Variants in BCAS3 observed in about 807,000 individuals in gnomAD.
The protein encoded by BCAS3 is BCAS4/BCAS3 fusion.
In BCAS3, 53 loss-of-function variants were observed where a neutral mutation model predicts 116.1. That is an observed-to-expected ratio of 0.46 (90% CI 0.37 to 0.57). BCAS3 has a LOEUF of 0.57. Among genes scored for constraint, BCAS3 ranks in the 20% least tolerant of loss-of-function variants. BCAS3 has a pLI of 0.00. For synonymous variants in BCAS3, 391 were observed against 408.2 expected (o/e 0.96, Z 0.51); for missense variants, 917 against 1,165.4 (o/e 0.79, Z 3.10).
Position 61,127,953 on chromosome 17 carries a change from G to A in BCAS3, c.2425+43389G>A, listed in dbSNP as rs1448891539. On this transcript the variant is annotated intron_variant, in intron 22 of 23. Coordinates refer to ENST00000407086, the MANE Select transcript of BCAS3 (RefSeq NM_017679.5). ...GAAATTAACATTCTGCCAAGCAGGA[G>A]TCATTCTGTTGGATGCCTTCCTCTG... is the stretch of plus-strand genomic sequence containing the variant. Among the ~76,000 whole-genome samples, 4 of 152,132 alleles carry A rather than the reference G, an allele frequency of 2.6e-5. No individual in the cohort carries two copies. The East Asian group carries it at 5.8e-4, about 22-fold the overall frequency.
At chr17:60,737,653 A>C (rs915604025) in intron 5 of BCAS3, among the ~76,000 whole-genome samples, 1 of 151,900 alleles carries the variant, frequency 6.6e-6, no homozygotes, top group African/African-American at 2.4e-5. Context: ...TCTTTGACCT[A>C]TGTGCTATTT....
At chr17:61,039,992 A>G (rs2067374142) in intron 18 of BCAS3, among the ~76,000 whole-genome samples, 1 of 152,232 alleles carries the variant, frequency 6.6e-6, no homozygotes, top group African/African-American at 2.4e-5. Context: ...ATCAGAGTCC[A>G]TCTCAAACGT....
At chr17:60,988,397 G>A (rs2063319597) in intron 14 of BCAS3, among the ~76,000 whole-genome samples, 1 of 126,842 alleles carries the variant, frequency 7.9e-6, no homozygotes, top group Non-Finnish European at 1.6e-5. Context: ...AGTAATAAAA[G>A]CATTGTGGAA....
chr17:61,214,132 C>G lies in BCAS3; in HGVS notation c.2425+129568C>G, dbSNP rs2081630639. ...CCTGTAATCCCAGCATTTTGGGAGA[C>G]CTCACAAGGATCACGTGAGGTCAGG... On this transcript the variant is annotated intron_variant, in intron 22 of 23. Coordinates refer to ENST00000407086, the MANE Select transcript of BCAS3 (RefSeq NM_017679.5). The surrounding 1 kb of genome is among the most constrained non-coding windows in gnomAD (Gnocchi z 4.4). 6.6e-6 allele frequency among the ~76,000 whole-genome samples: 1 copy of G among 152,008 alleles called. No individual in the cohort carries two copies. The highest frequency in any genetic ancestry group is 6.6e-5 in the Admixed American group (1 of 15,244).
At chr17:60,881,268 C>G (rs1023613789) in intron 9 of BCAS3, among the ~76,000 whole-genome samples, 2 of 152,184 alleles carry the variant, frequency 1.3e-5, no homozygotes, top group Non-Finnish European at 2.9e-5. Context: ...GCCACCGCAC[C>G]TGGCCTGGTC....
At chr17:61,117,897 A>G (rs2075570346) in intron 22 of BCAS3, among the ~76,000 whole-genome samples, 1 of 151,784 alleles carries the variant, frequency 6.6e-6, no homozygotes, top group South Asian at 2.1e-4. Flanking sequence ...CATTTCTTTC[A>G]TTTTCATTTT....
rs59756915 is a variant in BCAS3, at chr17:61,220,307, A to AC, written c.2425+135743_2425+135744insC. On this transcript the variant is annotated intron_variant, in intron 22 of 23. Transcript: ENST00000407086. This position sits in a 1 kb window ranked among gnomAD's most constrained non-coding sequence, Gnocchi z 4.5. ...AGACTCCATCTCAAAAAACAAACAAAAAACAAAAAAACTGAAGTTTTCTCA... is the reference window on the plus strand; with the variant it reads ...AGACTCCATCTCAAAAAACAAACAAACAAACAAAAAAACTGAAGTTTTCTCA... Among the ~76,000 whole-genome samples, 132 of 29,912 alleles carry AC rather than the reference A, an allele frequency of 4.4e-3. 1 individual carries two copies. The highest frequency in any genetic ancestry group is 0.014 in the African/African-American group (123 of 8,554). The allele number at this position is 29,912 out of a possible 152,430, so 19.6% of individuals were successfully genotyped here.
intron 7 of BCAS3, among the ~76,000 whole-genome samples, chr17:60,831,032 C>T (rs556265778): frequency 3.8e-4 from 58 of 151,964 alleles, no homozygotes; most frequent in African/African-American, 1.3e-3. Context: ...CCACCAGACT[C>T]GGCTAGACGG....
intron 6 of BCAS3, among the ~76,000 whole-genome samples, chr17:60,782,719 G>T (rs2144497178): frequency 6.6e-6 from 1 of 151,816 alleles, no homozygotes; most frequent in South Asian, 2.1e-4. Context: ...CAGAGTAGCT[G>T]GGGCTACAGG....
At chr17:60,750,407 T>C (rs558544721) in intron 6 of BCAS3, among the ~76,000 whole-genome samples, 1 of 152,316 alleles carries the variant, frequency 6.6e-6, no homozygotes, top group African/African-American at 2.4e-5. Context: ...TATTGAATGC[T>C]TTCCTGCTGA....
chr17:60,712,164 C>CAAAACA (rs149887243), intron 5 of BCAS3, among the ~76,000 whole-genome samples: 15 of 145,854 alleles, frequency 1.0e-4, no homozygotes, highest in African/African-American at 3.3e-4. Context: ...GACTCTGTCT[C>CAAAACA]AAAACAAAAA....
At position 61,309,500 on chromosome 17, in the gene BCAS3, G is replaced by A. The variant is rs1195095471; in HGVS notation, c.2426-58827G>A. Among the ~76,000 whole-genome samples the A allele has an allele frequency of 1.3e-5, 2 of 152,088 alleles. No individual in the cohort carries two copies. Among genetic ancestry groups the A allele is most frequent in the African/African-American group, 2.4e-5 (1 of 41,404 alleles). On this transcript the variant is annotated intron_variant, in intron 22 of 23. Coordinates refer to ENST00000407086, the MANE Select transcript of BCAS3 (RefSeq NM_017679.5). The surrounding 1 kb of genome is among the most constrained non-coding windows in gnomAD (Gnocchi z 4.6). Reference sequence around the variant, plus strand: ...GACATCAGAGGGGTCCCGGCAATGCGGCCCTGACCCTTCCCTGCCTCACTT... The same window carrying A: ...GACATCAGAGGGGTCCCGGCAATGCAGCCCTGACCCTTCCCTGCCTCACTT...
intron 22 of BCAS3, among the ~76,000 whole-genome samples, chr17:61,269,802 C>CTTTT (rs775560445): frequency 8.6e-5 from 12 of 139,756 alleles, no homozygotes; most frequent in Non-Finnish European, 7.8e-5. Context: ...TTCTTTCTTT[C>CTTTT]TTTTTTTTTT....
At chr17:61,022,151 A>AT (rs1032718442) in intron 16 of BCAS3, among the ~76,000 whole-genome samples, 5 of 152,226 alleles carry the variant, frequency 3.3e-5, no homozygotes, top group African/African-American at 1.2e-4. Flanking sequence ...TTTTTCTGCT[A>AT]TATCAGTGGA....
rs2059556036 is a variant in BCAS3 at position 61,380,532 on chromosome 17, A to G, written c.2594-11445A>G. The G allele has an allele frequency of 6.3e-7, 1 of 1,597,868 alleles. No homozygotes were observed. The highest frequency in any genetic ancestry group is 1.7e-5 in the Admixed American group (1 of 59,966). On this transcript the variant is annotated intron_variant, in intron 23 of 23. Transcript: ENST00000407086. The surrounding 1 kb of genome is among the most constrained non-coding windows in gnomAD (Gnocchi z 4.2). ...CACAGCCCTTGACGTAGCAGTAAAA[A>G]CCTTCCCCCCTGAGAGACACGTGGC...
chr17:60,728,155 T>A (rs1173474509), intron 5 of BCAS3, among the ~76,000 whole-genome samples: 3 of 152,120 alleles, frequency 2.0e-5, no homozygotes, highest in African/African-American at 7.2e-5. Context: ...GATAATATAA[T>A]GACAGGTATC....
chr17:60,900,346 T>C (rs1293510067), intron 10 of BCAS3, among the ~76,000 whole-genome samples: 2 of 152,008 alleles, frequency 1.3e-5, no homozygotes, highest in African/African-American at 4.8e-5. Context: ...TTTCAGGGCC[T>C]GGGAGGGTAG....
chr17:61,092,680 T>C (rs2073672918), intron 22 of BCAS3, among the ~76,000 whole-genome samples: 1 of 152,242 alleles, frequency 6.6e-6, no homozygotes, highest in South Asian at 2.1e-4. Flanking sequence ...CCTAGTTAAC[T>C]CACTGATTTT....
intron 9 of BCAS3, among the ~76,000 whole-genome samples, chr17:60,881,203 T>C (rs900008210): frequency 1.2e-4 from 18 of 152,130 alleles, no homozygotes; most frequent in Non-Finnish European, 2.1e-4. Context: ...CTCGATCTCC[T>C]GACCTTGTGA....
Sources: gnomAD v4.1 joint callset for allele counts (sites outside exome capture counted in the v4.1 genomes callset) on GRCh38, gnomAD v4.1.1 for gene constraint, Gnocchi (gnomAD v3.1) non-coding constraint, MANE v1.5 for transcripts, NCBI Gene and HGNC (gene_info 2026-07-23, HGNC 2026-07-21) for gene names.